Variants in SPMIP4 observed in about 807,000 individuals in gnomAD.
SPMIP4 encodes the protein sperm-associated microtubule inner protein 4.
the SPMIP4 span, among the ~76,000 whole-genome samples, chr7:25,149,140 T>C: frequency 6.6e-6 from 1 of 152,216 alleles, no homozygotes; most frequent in Non-Finnish European, 1.5e-5. Flanking sequence ...GAGAAATCTT[T>C]AGGCCAAACT....
the SPMIP4 span, among the ~76,000 whole-genome samples, chr7:25,152,728 T>C: frequency 6.7e-5 from 9 of 134,578 alleles, no homozygotes; most frequent in East Asian, 2.5e-4. Context: ...CCTCCCTCCC[T>C]CCCTCCCTTC....
At chr7:25,163,250 T>C in the SPMIP4 span, among the ~76,000 whole-genome samples, 3 of 152,248 alleles carry the variant, frequency 2.0e-5, no homozygotes, top group Admixed American at 6.5e-5. This position sits in a 1 kb window ranked among gnomAD's most constrained non-coding sequence, Gnocchi z 4.4. Context: ...AAATATAGTG[T>C]CATTTCCTGT....
the SPMIP4 span, among the ~76,000 whole-genome samples, chr7:25,167,740 T>C: frequency 6.6e-6 from 1 of 152,218 alleles, no homozygotes; most frequent in East Asian, 1.9e-4. Context: ...GCCAAGTGTA[T>C]GATAGACTCT....
At chr7:25,146,321 G>C in the SPMIP4 span, among the ~76,000 whole-genome samples, 11 of 152,206 alleles carry the variant, frequency 7.2e-5, no homozygotes, top group African/African-American at 2.7e-4. Flanking sequence ...GTGTGAGACA[G>C]AAGATGAGGA....
chr7:25,166,230 C>CTTTTTT, the SPMIP4 span, among the ~76,000 whole-genome samples: 53 of 69,250 alleles, frequency 7.7e-4, 1 homozygote, highest in African/African-American at 1.7e-3. Flanking sequence ...TTCTTTCCGT[C>CTTTTTT]TTCTTTTTTT....
At chr7:25,178,402 CA>C in the SPMIP4 span, among the ~76,000 whole-genome samples, 1 of 152,124 alleles carries the variant, frequency 6.6e-6, no homozygotes, top group Non-Finnish European at 1.5e-5. Context: ...GAGAAATCAC[CA>C]AACTGCTTTT....
the SPMIP4 span, among the ~76,000 whole-genome samples, chr7:25,175,907 C>G: frequency 6.6e-6 from 1 of 152,098 alleles, no homozygotes; most frequent in Non-Finnish European, 1.5e-5. Context: ...TGTAAGCTGT[C>G]TGGCTGCTTT....
the SPMIP4 span, chr7:25,161,126 T>C: frequency 1.7e-5 from 17 of 986,472 alleles, no homozygotes; most frequent in Admixed American, 2.8e-5. Flanking sequence ...AAATGTCTCA[T>C]ATAACTCATT....
chr7:25,173,949 C>T, the SPMIP4 span, among the ~76,000 whole-genome samples: 1 of 152,114 alleles, frequency 6.6e-6, no homozygotes, highest in Non-Finnish European at 1.5e-5. The surrounding 1 kb of genome is among the most constrained non-coding windows in gnomAD (Gnocchi z 4.4). Flanking sequence ...TCTCCCTCCC[C>T]TTAGCCTTAA....
chr7:25,142,413 C>T, the SPMIP4 span: 1 of 1,068,072 alleles, frequency 9.4e-7, no homozygotes, highest in South Asian at 1.6e-5. Context: ...GAAAACTTAC[C>T]CATTCCTTTT....
chr7:25,134,491 A>C, the SPMIP4 span, among the ~76,000 whole-genome samples: 25 of 152,218 alleles, frequency 1.6e-4, 1 homozygote. Flanking sequence ...GAGTTAAAGG[A>C]AAGGCTGACT....
At chr7:25,147,078 T>C in the SPMIP4 span, among the ~76,000 whole-genome samples, 1 of 152,118 alleles carries the variant, frequency 6.6e-6, no homozygotes, top group African/African-American at 2.4e-5. Flanking sequence ...GGAGGATCAC[T>C]TGAGGCCAGG....
the SPMIP4 span, among the ~76,000 whole-genome samples, chr7:25,161,812 A>G: frequency 1.1e-4 from 3 of 27,966 alleles, no homozygotes; most frequent in East Asian, 2.1e-3. Flanking sequence ...ATTCAGAAAG[A>G]TAATTTCAGA....
At chr7:25,129,305 G>T in the SPMIP4 span, among the ~76,000 whole-genome samples, 2 of 152,228 alleles carry the variant, frequency 1.3e-5, no homozygotes, top group Non-Finnish European at 2.9e-5. Flanking sequence ...TAGAACTCAG[G>T]TTCTGGCTGC....
chr7:25,132,206 G>A, the SPMIP4 span, among the ~76,000 whole-genome samples: 2,977 of 152,192 alleles, frequency 0.02, 42 homozygotes, highest in Non-Finnish European at 0.03. The surrounding 1 kb of genome is among the most constrained non-coding windows in gnomAD (Gnocchi z 5.0). Flanking sequence ...TCCTGTTTTC[G>A]CCTAATTAGC....
the SPMIP4 span, among the ~76,000 whole-genome samples, chr7:25,172,944 T>C: frequency 7.6e-6 from 1 of 132,070 alleles, no homozygotes; most frequent in African/African-American, 3.0e-5. The surrounding 1 kb of genome is among the most constrained non-coding windows in gnomAD (Gnocchi z 4.2). Flanking sequence ...CTGAGAACAG[T>C]AGGATCCAGT....
the SPMIP4 span, chr7:25,151,776 T>A: frequency 1.6e-6 from 1 of 637,272 alleles, no homozygotes; most frequent in Non-Finnish European, 2.7e-6. Flanking sequence ...AAGGTAGAGA[T>A]GGATGTTGGT....
the SPMIP4 span, among the ~76,000 whole-genome samples, chr7:25,128,684 C>T: frequency 6.6e-6 from 1 of 152,184 alleles, no homozygotes. The surrounding 1 kb of genome is among the most constrained non-coding windows in gnomAD (Gnocchi z 4.5). Flanking sequence ...TGCTTGGTGC[C>T]CTACTCCCCA....
the SPMIP4 span, among the ~76,000 whole-genome samples, chr7:25,148,475 CTCTTT>C: frequency 1.5e-5 from 1 of 65,772 alleles, no homozygotes; most frequent in Admixed American, 1.5e-4. Flanking sequence ...CAGAATCTGC[CTCTTT>C]TTTTTTTTTT....
Sources: gnomAD v4.1 joint callset for allele counts (sites outside exome capture counted in the v4.1 genomes callset) on GRCh38, gnomAD v4.1.1 for gene constraint, Gnocchi (gnomAD v3.1) non-coding constraint, MANE v1.5 for transcripts, NCBI Gene and HGNC (gene_info 2026-07-23, HGNC 2026-07-21) for gene names.